Variants in OPCML observed in about 807,000 individuals in gnomAD.
OPCML encodes the protein opioid binding protein/cell adhesion molecule like, also known as opioid-binding protein/cell adhesion molecule.
Under a neutral mutation model 37.8 loss-of-function variants are expected in OPCML, and 13 were observed. The observed-to-expected ratio is 0.34, with a 90% CI of 0.22 to 0.55. The LOEUF (loss-of-function observed/expected upper bound fraction) is 0.55, where lower values mean the gene tolerates loss of function less well. OPCML is among the 20% of genes least tolerant of loss of function. The probability of loss-of-function intolerance (pLI) is 0.91; values close to 1 mark genes in which losing one functional copy is unlikely to be tolerated. For missense variants in OPCML, 341 were observed against 435.6 expected (o/e 0.78, Z 1.93); for synonymous variants, 176 against 168.8 (o/e 1.04, Z -0.33).
intron 1 of OPCML, among the ~76,000 whole-genome samples, chr11:133,285,740 C>T (rs1021161991): frequency 3.9e-5 from 6 of 152,162 alleles, no homozygotes; most frequent in Admixed American, 2.0e-4. Context: ...TGATTTAACT[C>T]CTTAAAGAAG....
chr11:133,111,289 C>T (rs1256913919), intron 1 of OPCML, among the ~76,000 whole-genome samples: 1 of 152,182 alleles, frequency 6.6e-6, no homozygotes, highest in African/African-American at 2.4e-5. Context: ...TAGCTAGTTT[C>T]CCTGTCTATT....
intron 2 of OPCML, among the ~76,000 whole-genome samples, chr11:132,809,168 A>T (rs2136221282): frequency 6.6e-6 from 1 of 152,308 alleles, no homozygotes; most frequent in Non-Finnish European, 1.5e-5. Context: ...CATAATGCTA[A>T]CCACCTTACT....
rs992093153 is a variant in OPCML, at chr11:133,200,737, T to A, written c.62-257727A>T. On this transcript the variant is annotated intron_variant, in intron 1 of 7. Coordinates refer to ENST00000524381, the MANE Select transcript of OPCML (RefSeq NM_001012393.5). ...TCCCATGTCATTATATGTAGAAGAA[T>A]TAAAAATAAAACTACCATTCAACCC... 2.0e-5 allele frequency among the ~76,000 whole-genome samples: 3 copies of A among 152,294 alleles called. No homozygotes were observed. In the East Asian group the frequency reaches 5.8e-4, roughly 29 times the overall value.
chr11:132,671,665 G>A (rs187624629), intron 2 of OPCML, among the ~76,000 whole-genome samples: 2 of 152,266 alleles, frequency 1.3e-5, no homozygotes, highest in Admixed American at 1.3e-4. Context: ...GAAAGACTGA[G>A]CTTGTGGGAC....
intron 1 of OPCML, among the ~76,000 whole-genome samples, chr11:132,959,912 A>G (rs944035177): frequency 1.3e-5 from 2 of 152,210 alleles, no homozygotes; most frequent in Admixed American, 1.3e-4. Context: ...ATTATGTTCC[A>G]AAATGGAACA....
chr11:132,663,327 G>A (rs937363120), intron 2 of OPCML, among the ~76,000 whole-genome samples: 2 of 152,174 alleles, frequency 1.3e-5, no homozygotes, highest in Non-Finnish European at 2.9e-5. Context: ...ACCCACATAA[G>A]GAGACTTATA....
intron 4 of OPCML, among the ~76,000 whole-genome samples, chr11:132,443,722 A>C (rs1189840323): frequency 6.6e-6 from 1 of 152,230 alleles, no homozygotes. Flanking sequence ...AAGATAGACC[A>C]CAGGAAGGAG....
chr11:132,519,078 T>C (rs1388673806), intron 4 of OPCML, among the ~76,000 whole-genome samples: 2 of 152,324 alleles, frequency 1.3e-5, no homozygotes, highest in East Asian at 3.9e-4. Context: ...ATTTCTGACA[T>C]GCATAGTTTC....
At chr11:133,477,564 T>C (rs1409716392) in intron 1 of OPCML, among the ~76,000 whole-genome samples, 1 of 152,198 alleles carries the variant, frequency 6.6e-6, no homozygotes, top group Non-Finnish European at 1.5e-5. Flanking sequence ...GCGGGTTTTT[T>C]TTCTTTTAGA....
chr11:133,423,166 A>C lies in OPCML; in HGVS notation c.61+109098T>G, dbSNP rs1371944916. The C allele has an allele frequency of 1.0e-5, 10 of 985,332 alleles. No individual in the cohort carries two copies. In the East Asian group the frequency reaches 7.9e-4, roughly 78 times the overall value. 61.0% of individuals were successfully genotyped at this position (985,332 alleles called of 1,614,324 possible). A position where few individuals can be genotyped will look rare whatever the true frequency, so the allele number is the denominator to read the frequency against. ...ATCCTCTTTCAGAATTTATCTTTAC[A>C]TCTTGAAGAATTTTAACTTTATTCT... On this transcript the variant is annotated intron_variant, in intron 1 of 7. Transcript: ENST00000524381.
chr11:133,366,612 G>A (rs1041907402), intron 1 of OPCML, among the ~76,000 whole-genome samples: 1 of 152,160 alleles, frequency 6.6e-6, no homozygotes, highest in African/African-American at 2.4e-5. Flanking sequence ...AGCCAAAGGG[G>A]TGGAAGGATG....
chr11:133,191,930 C>G (rs968642013), intron 1 of OPCML, among the ~76,000 whole-genome samples: 2 of 152,202 alleles, frequency 1.3e-5, no homozygotes, highest in African/African-American at 4.8e-5. Flanking sequence ...GTCTGCTTGT[C>G]TCTAACCCAA....
At chr11:133,410,312 A>G (rs1945618346) in intron 1 of OPCML, among the ~76,000 whole-genome samples, 1 of 152,092 alleles carries the variant, frequency 6.6e-6, no homozygotes, top group African/African-American at 2.4e-5. Context: ...GGTTGTCCAA[A>G]TTCATCTGAC....
intron 1 of OPCML, among the ~76,000 whole-genome samples, chr11:133,053,231 G>A (rs1948163852): frequency 6.6e-6 from 1 of 152,172 alleles, no homozygotes; most frequent in Non-Finnish European, 1.5e-5. Flanking sequence ...AAAATGCCTT[G>A]AGCTCATGAT....
chr11:133,253,680 C>T (rs1941216511), intron 1 of OPCML, among the ~76,000 whole-genome samples: 1 of 152,136 alleles, frequency 6.6e-6, no homozygotes, highest in African/African-American at 2.4e-5. Context: ...TTTAAAAGTG[C>T]TATTATATCA....
chr11:132,444,253 G>T (rs1025950484), intron 4 of OPCML, among the ~76,000 whole-genome samples: 1 of 152,228 alleles, frequency 6.6e-6, no homozygotes, highest in Non-Finnish European at 1.5e-5. Flanking sequence ...TCCCATGGGG[G>T]AGGCAAAGAG....
chr11:133,445,846 T>C (rs924510826), intron 1 of OPCML, among the ~76,000 whole-genome samples: 1 of 151,826 alleles, frequency 6.6e-6, no homozygotes, highest in African/African-American at 2.4e-5. Context: ...GGGATTTAAA[T>C]GCAATGTTGG....
intron 4 of OPCML, among the ~76,000 whole-genome samples, chr11:132,468,268 A>G (rs1037128714): frequency 6.6e-6 from 1 of 152,010 alleles, no homozygotes; most frequent in African/African-American, 2.4e-5. Flanking sequence ...GCCAAAGTAC[A>G]CCTCTCCTTC....
chr11:132,843,158 A>G (rs1690780518), intron 2 of OPCML, among the ~76,000 whole-genome samples: 1 of 146,762 alleles, frequency 6.8e-6, no homozygotes, highest in African/African-American at 2.5e-5. Flanking sequence ...GCAATGGCAC[A>G]ATCTAGGCTC....
Sources: gnomAD v4.1 joint callset for allele counts (sites outside exome capture counted in the v4.1 genomes callset) on GRCh38, gnomAD v4.1.1 for gene constraint, MANE v1.5 for transcripts, NCBI Gene and HGNC (gene_info 2026-07-23, HGNC 2026-07-21) for gene names.